The following TRIP13 variants were observed in gnomAD, a reference collection of about 807,000 sequenced individuals.
TRIP13 encodes thyroid hormone receptor interactor 13, also known as pachytene checkpoint protein 2 homolog.
A neutral mutation model predicts 54.4 loss-of-function variants in TRIP13; 25 were observed. The observed-to-expected ratio is 0.46, with a 90% CI of 0.33 to 0.64. TRIP13 has a LOEUF of 0.64. TRIP13 is among the 30% of genes least tolerant of loss of function. The pLI, the probability that TRIP13 is intolerant of heterozygous loss-of-function variation, is 0.02. For missense variants in TRIP13, 373 were observed against 534.2 expected (o/e 0.70, Z 2.97); for synonymous variants, 207 against 207.8 (o/e 1.00, Z 0.03).
chr5:901,144 G>A (rs1283547900), intron 4 of TRIP13, among the ~76,000 whole-genome samples, 197 bp from the exon 5 acceptor site: 1 of 152,190 alleles, frequency 6.6e-6, no homozygotes, highest in Admixed American at 6.5e-5. Context: ...GTAATAGCCA[G>A]TGTTTTTCCT....
At chr5:918,559 A>C (rs1754377646), downstream of TRIP13, among the ~76,000 whole-genome samples, 1 of 152,214 alleles carries the variant, frequency 6.6e-6, no homozygotes, top group Admixed American at 6.5e-5. This position sits in a 1 kb window ranked among gnomAD's most constrained non-coding sequence, Gnocchi z 4.3. Context: ...CAAAAGACTC[A>C]TCTGAGAGTA....
At chr5:909,863 G>A (rs1754193848) in intron 9 of TRIP13, among the ~76,000 whole-genome samples, 1 of 152,260 alleles carries the variant, frequency 6.6e-6, no homozygotes, top group East Asian at 1.9e-4. Flanking sequence ...TGTGGCTTAA[G>A]AACGCCTTTA....
intron 5 of TRIP13, among the ~76,000 whole-genome samples, chr5:903,725 C>T (rs1754045875): frequency 6.6e-6 from 1 of 152,090 alleles, no homozygotes; most frequent in South Asian, 2.1e-4. Context: ...ACCCCTCCAC[C>T]TCCATTTATC....
intron 3 of TRIP13, 99 bp downstream of exon 3, chr5:896,893 T>C: frequency 7.4e-7 from 1 of 1,344,398 alleles, no homozygotes. Flanking sequence ...TGTCCATTTG[T>C]TTTGTAGGAT....
chr5:905,052 T>C (rs1030996854), intron 6 of TRIP13, among the ~76,000 whole-genome samples: 2 of 151,986 alleles, frequency 1.3e-5, no homozygotes, highest in African/African-American at 4.9e-5. Flanking sequence ...ATCTGAAGTG[T>C]GTGGATTGTG....
At chr5:918,808 C>G (rs995899044), downstream of TRIP13, among the ~76,000 whole-genome samples, 4 of 152,162 alleles carry the variant, frequency 2.6e-5, no homozygotes, top group African/African-American at 9.7e-5. The surrounding 1 kb of genome is among the most constrained non-coding windows in gnomAD (Gnocchi z 4.3). Context: ...TTAGGCCCGT[C>G]TCGCCTTTTC....
chr5:910,663 C>G (rs72703188), intron 9 of TRIP13, among the ~76,000 whole-genome samples: 5,198 of 152,292 alleles, frequency 0.034, 126 homozygotes, highest in Non-Finnish European at 0.049. Flanking sequence ...CCTTCATTCC[C>G]TCGTGCTTCT....
rs1245936388 is a variant in TRIP13 at position 913,864 on chromosome 5, G to A, written c.1021-601G>A. Among the ~76,000 whole-genome samples, 2 of 152,106 alleles carry A rather than the reference G, an allele frequency of 1.3e-5. No homozygotes were observed. Among genetic ancestry groups the A allele is most frequent in the African/African-American group, 2.4e-5 (1 of 41,418 alleles). On this transcript the variant is annotated intron_variant, in intron 10 of 12. Transcript: ENST00000166345. The surrounding 1 kb of genome is among the most constrained non-coding windows in gnomAD (Gnocchi z 4.5). ...CCTTGTTCCTGAGTCAGAACGGTTC[G>A]TATTAGAATTCAGTCATAGTAAGTC...
intron 10 of TRIP13, among the ~76,000 whole-genome samples, chr5:914,029 A>G (rs1485554324): frequency 6.6e-6 from 1 of 152,082 alleles, no homozygotes; most frequent in African/African-American, 2.4e-5. Context: ...CACCTTTAAA[A>G]CAGACAAACT....
rs1754164080 is a variant in TRIP13, at chr5:908,502, G to A, written c.866+41G>A. On this transcript the variant is annotated intron_variant, in intron 9 of 12. Coordinates refer to ENST00000166345, the MANE Select transcript of TRIP13 (RefSeq NM_004237.4). The surrounding 1 kb of genome is among the most constrained non-coding windows in gnomAD (Gnocchi z 5.2). ...AGCAATTTTCCCTGAGAAGTGATGA[G>A]AAGTTTGTCCCAAAGAAATGCGTGA... The A allele has an allele frequency of 5.0e-6, 8 of 1,609,974 alleles. No homozygotes were observed. The East Asian group carries it at 1.8e-4, about 36-fold the overall frequency.
At chr5:903,889 G>A (rs902729773) in intron 5 of TRIP13, among the ~76,000 whole-genome samples, 1 of 152,188 alleles carries the variant, frequency 6.6e-6, no homozygotes, top group African/African-American at 2.4e-5. Flanking sequence ...GAAGCTGGGA[G>A]CAGTGCTGGG....
chr5:901,992 G>C (rs924907362), intron 5 of TRIP13, among the ~76,000 whole-genome samples: 10 of 152,168 alleles, frequency 6.6e-5, no homozygotes, highest in Non-Finnish European at 8.8e-5. Flanking sequence ...GACATCCTCA[G>C]ATGCCCCAAA....
chr5:916,942 G>A (rs971873117), intron 12 of TRIP13, 66 bp from the exon 13 acceptor site: 10 of 1,491,818 alleles, frequency 6.7e-6, no homozygotes, highest in South Asian at 1.2e-5. Context: ...GGCAGGGGCT[G>A]TGGATGCCAG....
chr5:911,579 A>T lies in TRIP13; in HGVS notation c.867-264A>T, dbSNP rs558738655. On this transcript the variant is annotated intron_variant, in intron 9 of 12. Coordinates refer to ENST00000166345, the MANE Select transcript of TRIP13 (RefSeq NM_004237.4). The surrounding 1 kb of genome is among the most constrained non-coding windows in gnomAD (Gnocchi z 4.7). ...GAGCGAGACTCTGTCTCAAAAAAAA[A>T]AAAAAAGGAAAGTGAGATCCTTGCC... is the stretch of plus-strand genomic sequence containing the variant. Among the ~76,000 whole-genome samples, 5 of 152,176 alleles carry T rather than the reference A, an allele frequency of 3.3e-5. No individual in the cohort carries two copies. In the East Asian group the frequency reaches 9.7e-4, roughly 29 times the overall value.
rs894352160 is a variant in TRIP13, at chr5:911,485, G to T, written c.867-358G>T. On this transcript the variant is annotated intron_variant, in intron 9 of 12. Coordinates refer to ENST00000166345, the MANE Select transcript of TRIP13 (RefSeq NM_004237.4). The surrounding 1 kb of genome is among the most constrained non-coding windows in gnomAD (Gnocchi z 4.7). ...ACTTGGGAGGCTGAGGCAGGAGAAT[G>T]GTGTGAACCGGCGAGGCGGAGCTTG... Among the ~76,000 whole-genome samples, 20 of 152,228 alleles carry T rather than the reference G, an allele frequency of 1.3e-4. No homozygotes were observed. The highest frequency in any genetic ancestry group is 4.3e-4 in the African/African-American group (18 of 41,544).
In TRIP13 at chr5:907,469, A is replaced by G. The variant is rs1754139245; in HGVS notation, c.672+276A>G. ...TCAGGGGACTGCAGCCCTGCCATGC[A>G]TGTCCTTGGTGCTCATGCGCCCTAG... On this transcript the variant is annotated intron_variant, in intron 7 of 12. Transcript: ENST00000166345. The surrounding 1 kb of genome is among the most constrained non-coding windows in gnomAD (Gnocchi z 4.1). Among the ~76,000 whole-genome samples the G allele has an allele frequency of 6.6e-6, 1 of 152,200 alleles. No homozygotes were observed. Among genetic ancestry groups the G allele is most frequent in the Non-Finnish European group, 1.5e-5 (1 of 68,036 alleles).
At position 894,775 on chromosome 5, in the gene TRIP13, T is replaced by A; in HGVS notation, c.93-12T>A. On this transcript the variant is annotated splice_polypyrimidine_tract_variant and intron_variant, in intron 1 of 12. Transcript: ENST00000166345. ...TAAGATCATTTATGTGTGTTTTGGCTTCTTTTTTTAGCACTGCAAAGAAAG... is the reference window on the plus strand; with the variant it reads ...TAAGATCATTTATGTGTGTTTTGGCATCTTTTTTTAGCACTGCAAAGAAAG... The A allele has an allele frequency of 1.3e-6, 2 of 1,588,052 alleles. No homozygotes were observed. The highest frequency in any genetic ancestry group is 1.7e-6 in the Non-Finnish European group (2 of 1,169,640).
In TRIP13 at chr5:907,454, G is replaced by A. The variant is rs1245260027; in HGVS notation, c.672+261G>A. On this transcript the variant is annotated intron_variant, in intron 7 of 12. Coordinates refer to ENST00000166345, the MANE Select transcript of TRIP13 (RefSeq NM_004237.4). The surrounding 1 kb of genome is among the most constrained non-coding windows in gnomAD (Gnocchi z 4.1). The stretch of plus-strand genomic sequence containing the variant: ...GGGCAGGGCTGGCACTCAGGGGACT[G>A]CAGCCCTGCCATGCATGTCCTTGGT... 6.6e-6 allele frequency among the ~76,000 whole-genome samples: 1 copy of A among 152,214 alleles called. No individual in the cohort carries two copies.
intron 5 of TRIP13, among the ~76,000 whole-genome samples, chr5:903,215 C>A (rs375045549): frequency 1.3e-5 from 2 of 152,124 alleles, no homozygotes; most frequent in African/African-American, 4.8e-5. Flanking sequence ...CATTAGACCA[C>A]GGTCAGCTTG....
Sources: gnomAD v4.1 joint callset for allele counts (sites outside exome capture counted in the v4.1 genomes callset) on GRCh38, gnomAD v4.1.1 for gene constraint, Gnocchi (gnomAD v3.1) non-coding constraint, MANE v1.5 for transcripts, NCBI Gene and HGNC (gene_info 2026-07-23, HGNC 2026-07-21) for gene names.